The following MYO19 variants were observed in gnomAD, a reference collection of about 807,000 sequenced individuals.
MYO19 encodes the protein unconventional myosin-XIX.
A neutral mutation model predicts 129.2 loss-of-function variants in MYO19; 132 were observed. That is an observed-to-expected ratio of 1.02 (90% CI 0.89 to 1.18). The LOEUF is 1.18. MYO19 is among the 50% of genes most tolerant of loss of function. The probability of loss-of-function intolerance (pLI) is 0.00; values close to 1 mark genes in which losing one functional copy is unlikely to be tolerated. For missense variants in MYO19, 1,210 were observed against 1,216.7 expected, an observed-to-expected ratio of 0.99 and a Z score of 0.08; for synonymous variants, 531 against 477.2, an observed-to-expected ratio of 1.11 and a Z score of -1.47.
chr17:36,496,249 G>A lies in MYO19; in HGVS notation c.*2C>T, dbSNP rs1294785557. The stretch of plus-strand genomic sequence containing the variant: ...GCCTTGTGGAAACAAAGGCACCAAG[G>A]ATCACCCCAGCCCAGTGAAGGCAGA... On this transcript the variant is annotated 3_prime_UTR_variant, in exon 26 of 26. Transcript: ENST00000614623. 6.2e-7 allele frequency: 1 copy of A among 1,613,780 alleles called. No individual in the cohort carries two copies. Among genetic ancestry groups the A allele is most frequent in the African/African-American group, 1.3e-5 (1 of 75,028 alleles).
Position 36,514,520 on chromosome 17 carries a change from G to C in MYO19, c.646C>G (p.Gln216Glu). The C allele has an allele frequency of 1.2e-6, 2 of 1,613,158 alleles. No homozygotes were observed. Among genetic ancestry groups the C allele is most frequent in the Non-Finnish European group, 1.7e-6 (2 of 1,179,156 alleles). ...RAQQMTGAAV[Q>E]TYLLEKTRVA... ...CGAGTTTTCTCTAGGAGGTAGGTCT[G>C]GACTGCGGCTCCAGTCATTTGCTGA... Residue 216 changes from glutamine to glutamate, a missense_variant, in exon 9 of 26, where the codon CAG (glutamine) becomes GAG (glutamate). By Grantham distance (29) the Gln-to-Glu change is conservative (BLOSUM62 2). Transcript: ENST00000614623.
intron 12 of MYO19, 130 bp downstream of exon 12, chr17:36,511,235 A>T: frequency 1.1e-6 from 1 of 951,560 alleles, no homozygotes; most frequent in East Asian, 2.6e-5. Context: ...ATCCAGGGCC[A>T]GGCCCTATGG....
Position 36,496,227 on chromosome 17 carries a change from T to C in MYO19, c.*24A>G. ...GCAAGGCAGGGGGCAGGAAAAGGCC[T>C]TGTGGAAACAAAGGCACCAAGGATC... On this transcript the variant is annotated 3_prime_UTR_variant, in exon 26 of 26. Transcript: ENST00000614623. 1 of 1,612,780 alleles carries C rather than the reference T, an allele frequency of 6.2e-7. No homozygotes were observed. Among genetic ancestry groups the C allele is most frequent in the Non-Finnish European group, 8.5e-7 (1 of 1,179,076 alleles).
chr17:36,509,928 G>C (rs1469097834), intron 13 of MYO19: 1 of 152,226 alleles, frequency 6.6e-6, no homozygotes, highest in Non-Finnish European at 1.5e-5. Flanking sequence ...TGAGGCAGTG[G>C]TAACTAGTCT....
At chr17:36,509,324 T>C (rs1272071330) in intron 13 of MYO19, 189 bp from the exon 14 acceptor site, 2 of 611,678 alleles carry the variant, frequency 3.3e-6, no homozygotes, top group Non-Finnish European at 5.9e-6. Context: ...ATGCAGGCTA[T>C]GGGCATGCAT....
intron 23 of MYO19, chr17:36,499,654 CTTTTTGTTTCTTTTTTT>C (rs2071335977): frequency 2.7e-5 from 2 of 73,092 alleles, no homozygotes; most frequent in African/African-American, 6.0e-5. Context: ...TATTCTTTTT[CTTTTTGTTTCTTTTTTT>C]TTTTTTTTTT....
At position 36,512,753 on chromosome 17, in the gene MYO19, C is replaced by T. The variant is rs748757332; in HGVS notation, c.894+676G>A. ...TGGCCTCCCTTTCTCGACTGCCAGG[C>T]CATCCTATCTATCCCCTCCTGCTGC... On this transcript the variant is annotated intron_variant, in intron 11 of 25. Transcript: ENST00000614623. The T allele has an allele frequency of 4.7e-6, 6 of 1,288,946 alleles. No individual in the cohort carries two copies. The South Asian group carries it at 7.4e-5, about 16-fold the overall frequency. 79.8% of individuals were successfully genotyped at this position (1,288,946 alleles called of 1,614,324 possible). A position where few individuals can be genotyped will look rare whatever the true frequency, so the allele number is the denominator to read the frequency against.
intron 13 of MYO19, among the ~76,000 whole-genome samples, chr17:36,510,340 G>A (rs985632808): frequency 6.6e-6 from 1 of 152,238 alleles, no homozygotes; most frequent in African/African-American, 2.4e-5. Context: ...CCTAGGTGAT[G>A]TACAAAGGCA....
intron 13 of MYO19, 90 bp downstream of exon 13, chr17:36,510,656 G>A (rs2072253618): frequency 7.1e-7 from 1 of 1,408,388 alleles, no homozygotes; most frequent in Non-Finnish European, 9.6e-7. Flanking sequence ...CTGGGCCTGT[G>A]CCTATTGCCT....
intron 6 of MYO19, among the ~76,000 whole-genome samples, chr17:36,518,178 A>T (rs1268378714): frequency 2.6e-5 from 4 of 151,580 alleles, no homozygotes; most frequent in African/African-American, 7.3e-5. Flanking sequence ...TTGGTAATGA[A>T]ATTTCAGACA....
At chr17:36,517,218 T>C (rs1386939215) in intron 6 of MYO19, among the ~76,000 whole-genome samples, 1 of 152,232 alleles carries the variant, frequency 6.6e-6, no homozygotes, top group African/African-American at 2.4e-5. Context: ...ATTTACATCT[T>C]TTTTCTCTTT....
chr17:36,533,795 C>G (rs1322452542), intron 2 of MYO19, 158 bp downstream of exon 2: 2 of 152,058 alleles, frequency 1.3e-5, no homozygotes, highest in Non-Finnish European at 2.9e-5. Context: ...GCAATAGGTC[C>G]AGAGGGGCAG....
At chr17:36,499,054 G>A (rs773864922) in intron 24 of MYO19, 21 bp downstream of exon 24, 7 of 1,584,768 alleles carry the variant, frequency 4.4e-6, no homozygotes, top group African/African-American at 2.7e-5. Context: ...TGCCCACCCC[G>A]ACTTCTTGGG....
chr17:36,522,028 T>TCAAAAAAAA (rs1567777190), intron 6 of MYO19, among the ~76,000 whole-genome samples: 14 of 115,214 alleles, frequency 1.2e-4, no homozygotes, highest in South Asian at 2.8e-4. Flanking sequence ...AGACTGTCTT[T>TCAAAAAAAA]AAAAAAAAAA....
At chr17:36,536,672 G>A (rs1032511130), upstream of MYO19, among the ~76,000 whole-genome samples, 13 of 151,812 alleles carry the variant, frequency 8.6e-5, no homozygotes, top group African/African-American at 3.1e-4. Context: ...GTGCCATCAC[G>A]CCTGGCTAAT....
chr17:36,516,070 C>A, intron 6 of MYO19, 80 bp from the exon 7 acceptor site: 1 of 1,461,844 alleles, frequency 6.8e-7, no homozygotes, highest in Non-Finnish European at 9.1e-7. Context: ...CAGTGCCCAC[C>A]AGAGCTCTCT....
chr17:36,531,145 A>C (rs994927799), intron 3 of MYO19, among the ~76,000 whole-genome samples: 13 of 152,126 alleles, frequency 8.5e-5, no homozygotes, highest in African/African-American at 3.1e-4. Context: ...CTGTAGTCCC[A>C]GCACTTTGGG....
intron 16 of MYO19, 93 bp downstream of exon 16, chr17:36,507,306 A>T: frequency 7.1e-7 from 1 of 1,408,760 alleles, no homozygotes; most frequent in Non-Finnish European, 9.9e-7. Context: ...GACTGGGAGG[A>T]GAGAGGCACA....
chr17:36,534,412 C>A (rs912483258), intron 1 of MYO19, among the ~76,000 whole-genome samples: 1 of 152,188 alleles, frequency 6.6e-6, no homozygotes, highest in African/African-American at 2.4e-5. Context: ...TGACCCCAGC[C>A]AAGGGCGCAG....
Sources: gnomAD v4.1 joint callset for allele counts (sites outside exome capture counted in the v4.1 genomes callset) on GRCh38, gnomAD v4.1.1 for gene constraint, MANE v1.5 for transcripts, NCBI Gene and HGNC (gene_info 2026-07-23, HGNC 2026-07-21) for gene names.